MAPK6: variants seen among roughly 807,000 people sequenced by gnomAD.
MAPK6 encodes the protein mitogen-activated protein kinase 6.
In MAPK6, 19 loss-of-function variants were observed where a neutral mutation model predicts 59.3. The ratio of observed to expected loss-of-function variants is 0.32; its 90% CI spans 0.22 to 0.47. The LOEUF (loss-of-function observed/expected upper bound fraction) is 0.47. MAPK6 is among the 20% of genes least tolerant of loss of function. The pLI, the probability that MAPK6 is intolerant of heterozygous loss-of-function variation, is 1.00. For missense variants in MAPK6, 724 were observed against 847.9 expected, an observed-to-expected ratio of 0.85 and a Z score of 1.81; for synonymous variants, 316 against 290.3, an observed-to-expected ratio of 1.09 and a Z score of -0.90.
At position 52,043,691 on chromosome 15, in the gene MAPK6, T is replaced by C. The variant is rs2031499893; in HGVS notation, c.-631-2139T>C. ...CACTGGCTAAAGACCAAAGACAGACTAATGGCTCAGCTAGATAATAGCAAA... is the reference window on the plus strand; with the variant it reads ...CACTGGCTAAAGACCAAAGACAGACCAATGGCTCAGCTAGATAATAGCAAA... On this transcript the variant is annotated intron_variant, in intron 1 of 5. Coordinates refer to ENST00000261845, the MANE Select transcript of MAPK6 (RefSeq NM_002748.4). Among the ~76,000 whole-genome samples the C allele has an allele frequency of 2.0e-5, 3 of 147,778 alleles. No individual in the cohort carries two copies. The South Asian group carries it at 6.6e-4, about 32-fold the overall frequency.
At chr15:51,986,700 C>G (rs558854301) in intron 2 of MAPK6, among the ~76,000 whole-genome samples, 7 of 152,264 alleles carry the variant, frequency 4.6e-5, no homozygotes, top group East Asian at 1.9e-4. Flanking sequence ...TGAATTCACT[C>G]TTTTATATTT....
chr15:52,052,999 A>T lies in MAPK6; in HGVS notation c.700+2862A>T, dbSNP rs139818615. On this transcript the variant is annotated intron_variant, in intron 3 of 5. Coordinates refer to ENST00000261845, the MANE Select transcript of MAPK6 (RefSeq NM_002748.4). ...GTACCATTTTACATTCCCACCACCA[A>T]TGCATGAGAGTTAAATTTTGTCTTT... Among the ~76,000 whole-genome samples, 31 of 151,704 alleles carry T rather than the reference A, an allele frequency of 2.0e-4. No homozygotes were observed. In the East Asian group the frequency reaches 5.6e-3, roughly 27 times the overall value.
intron 1 of MAPK6, among the ~76,000 whole-genome samples, chr15:52,042,374 T>C (rs750783183): frequency 5.3e-5 from 8 of 152,232 alleles, no homozygotes; most frequent in Non-Finnish European, 8.8e-5. Flanking sequence ...TCTGAGCACA[T>C]AGTGATGACT....
At position 52,045,964 on chromosome 15, in the gene MAPK6, A is replaced by C. The variant is rs1566909190; in HGVS notation, c.-497A>C. Reference sequence around the variant, plus strand: ...CCTGTTGAAATAAATATATAGCAACAAAGGAAAAAAAGAAGCAAAACGGAA... The same window carrying C: ...CCTGTTGAAATAAATATATAGCAACCAAGGAAAAAAAGAAGCAAAACGGAA... On this transcript the variant is annotated 5_prime_UTR_variant, in exon 2 of 6. Coordinates refer to ENST00000261845, the MANE Select transcript of MAPK6 (RefSeq NM_002748.4). 1.3e-5 allele frequency: 2 copies of C among 153,462 alleles called. No homozygotes were observed. Among genetic ancestry groups the C allele is most frequent in the Non-Finnish European group, 2.9e-5 (2 of 68,604 alleles). 9.5% of individuals were successfully genotyped at this position (153,462 alleles called of 1,614,324 possible).
intron 5 of MAPK6, 33 bp from the exon 6 acceptor site, chr15:52,063,869 G>A (rs377355684): frequency 6.6e-5 from 100 of 1,513,920 alleles, no homozygotes; most frequent in East Asian, 2.3e-4. Flanking sequence ...AATCATATAC[G>A]TAGAATAACG....
intron 2 of MAPK6, among the ~76,000 whole-genome samples, chr15:51,999,618 T>C (rs934432447): frequency 2.6e-5 from 4 of 152,146 alleles, no homozygotes; most frequent in African/African-American, 9.7e-5. Context: ...CCTTTTTATT[T>C]TAGTTTCCCT....
intron 2 of MAPK6, among the ~76,000 whole-genome samples, chr15:51,988,835 T>C (rs1448276430): frequency 6.6e-6 from 1 of 151,988 alleles, no homozygotes; most frequent in African/African-American, 2.4e-5. Flanking sequence ...CTGGGTCAAA[T>C]AAAGGTGTCA....
rs766419636 is a variant in MAPK6, at chr15:52,046,740, G to T, written c.280G>T (p.Asp94Tyr). 2 of 1,614,190 alleles carry T rather than the reference G, an allele frequency of 1.2e-6. No homozygotes were observed. Among genetic ancestry groups the T allele is most frequent in the East Asian group, 2.2e-5 (1 of 44,896 alleles). The change falls in exon 2 of 6, where the codon GAT (aspartate) becomes TAT (tyrosine). Residue 94 changes from aspartate (D) to tyrosine (Y), a missense_variant. Transcript: ENST00000261845. ...TCCCAGTGGAAGCCAATTAACAGACGATGTGGGCTCTCTTACGGAACTGAA... is the reference window on the plus strand; with the variant it reads ...TCCCAGTGGAAGCCAATTAACAGACTATGTGGGCTCTCTTACGGAACTGAA... ...LGPSGSQLTD[D>Y]VGSLTELNSV...
At chr15:51,987,550 C>G (rs1416128073) in intron 2 of MAPK6, among the ~76,000 whole-genome samples, 1 of 151,936 alleles carries the variant, frequency 6.6e-6, no homozygotes. Context: ...CGGTGGGGAG[C>G]AGAGGTTACA....
intron 1 of MAPK6, among the ~76,000 whole-genome samples, chr15:52,034,805 C>G (rs2031183025): frequency 6.6e-6 from 1 of 152,182 alleles, no homozygotes; most frequent in Non-Finnish European, 1.5e-5. Context: ...TCAAGTGATT[C>G]TCCTGCTTCA....
upstream of MAPK6, chr15:52,018,158 G>C (rs958936644): frequency 1.3e-5 from 2 of 152,234 alleles, no homozygotes; most frequent in African/African-American, 4.8e-5. Flanking sequence ...CTCCCGAGTA[G>C]CTGGGATTAC....
intron 5 of MAPK6, among the ~76,000 whole-genome samples, chr15:52,061,741 C>T (rs1016532219): frequency 1.1e-4 from 16 of 152,050 alleles, no homozygotes; most frequent in African/African-American, 3.6e-4. Flanking sequence ...CCACTGCATT[C>T]CAGTCTGGGC....
intron 2 of MAPK6, among the ~76,000 whole-genome samples, chr15:51,997,887 C>T (rs150271963): frequency 1.8e-4 from 27 of 150,830 alleles, no homozygotes; most frequent in African/African-American, 5.2e-4. Flanking sequence ...TCACCACGCC[C>T]GGCCTTTAAA....
intron 2 of MAPK6, among the ~76,000 whole-genome samples, chr15:51,994,606 A>G: frequency 6.6e-6 from 1 of 152,230 alleles, no homozygotes; most frequent in South Asian, 2.1e-4. Flanking sequence ...ACATAGCTTC[A>G]AGGTATTCCT....
chr15:52,025,079 A>T (rs1248038196), intron 1 of MAPK6, among the ~76,000 whole-genome samples: 1 of 151,922 alleles, frequency 6.6e-6, no homozygotes, highest in East Asian at 1.9e-4. Context: ...TGTCTCTACA[A>T]AATAAAATAA....
upstream of MAPK6, among the ~76,000 whole-genome samples, chr15:52,016,106 A>ACG (rs2030256830): frequency 6.9e-6 from 1 of 144,004 alleles, no homozygotes; most frequent in Non-Finnish European, 1.5e-5. Context: ...ACACACACAC[A>ACG]CAAACTAAAA....
chr15:51,992,469 T>C (rs988095955), intron 2 of MAPK6, among the ~76,000 whole-genome samples: 2 of 151,704 alleles, frequency 1.3e-5, no homozygotes, highest in African/African-American at 2.4e-5. Flanking sequence ...ATCTGGCTAA[T>C]TTTTTGCATT....
intron 1 of MAPK6, among the ~76,000 whole-genome samples, chr15:52,026,432 C>T (rs997917246): frequency 1.1e-4 from 17 of 152,280 alleles, no homozygotes; most frequent in African/African-American, 3.8e-4. Context: ...GCTGGGATTA[C>T]AGGCATGCAC....
intron 2 of MAPK6, among the ~76,000 whole-genome samples, chr15:51,984,135 A>G (rs2057182991): frequency 6.6e-6 from 1 of 152,186 alleles, no homozygotes. Flanking sequence ...AATTGTTCAA[A>G]TAAATTATAA....
Sources: allele counts gnomAD v4.1 joint callset (sites outside exome capture counted in the v4.1 genomes callset), GRCh38; gene constraint gnomAD v4.1.1; transcripts MANE v1.5; gene names NCBI Gene and HGNC (gene_info 2026-07-23, HGNC 2026-07-21).